Variants in KIF23 observed in about 807,000 individuals in gnomAD.
KIF23 encodes kinesin-like protein KIF23.
In KIF23, 30 loss-of-function variants were observed where a neutral mutation model predicts 137.5. The observed-to-expected ratio is 0.22, with a 90% confidence interval of 0.16 to 0.30. KIF23 has a LOEUF of 0.30. Among genes scored for constraint, KIF23 ranks in the 10% least tolerant of loss-of-function variants. The pLI, the probability that KIF23 is intolerant of heterozygous loss-of-function variation, is 1.00. For missense variants in KIF23, 920 were observed against 1,194.3 expected, an observed-to-expected ratio of 0.77 and a Z score of 3.38; for synonymous variants, 367 against 391.1, an observed-to-expected ratio of 0.94 and a Z score of 0.73.
chr15:69,435,631 T>C (rs992316409), intron 12 of KIF23, 21 bp from the exon 13 acceptor site: 1 of 1,613,164 alleles, frequency 6.2e-7, no homozygotes, highest in African/African-American at 1.3e-5. Context: ...GTAACACATT[T>C]GGATATGAAT....
At chr15:69,419,864 G>C (rs771821582) in intron 3 of KIF23, among the ~76,000 whole-genome samples, 1 of 152,176 alleles carries the variant, frequency 6.6e-6, no homozygotes, top group Non-Finnish European at 1.5e-5. Context: ...TAAATTTCAA[G>C]TATGTATAAA....
intron 11 of KIF23, chr15:69,435,075 C>T (rs1715635627): frequency 2.0e-6 from 1 of 496,992 alleles, no homozygotes; most frequent in Non-Finnish European, 3.6e-6. Context: ...ATATTCTTCC[C>T]CCACCCCCAG....
In KIF23 at chr15:69,436,823, C is replaced by T. The variant is rs534843882; in HGVS notation, c.1597+101C>T. ...AGGGTGGAGTGCAGTGGCACAATCTCGGTTCACTGCAACCTCCGCCTCCTG... is the reference window on the plus strand; with the variant it reads ...AGGGTGGAGTGCAGTGGCACAATCTTGGTTCACTGCAACCTCCGCCTCCTG... On this transcript the variant is annotated intron_variant, in intron 15 of 23. Transcript: ENST00000679126. 2.3e-4 allele frequency: 154 copies of T among 671,754 alleles called. 1 individual carries two copies. In the African/African-American group the frequency reaches 2.4e-3, roughly 11 times the overall value. 41.6% of individuals were successfully genotyped at this position (671,754 alleles called of 1,614,324 possible).
rs758402949 is a variant in KIF23, at chr15:69,436,177, G to A, written c.1354G>A (p.Val452Ile). 9 of 1,613,914 alleles carry A rather than the reference G, an allele frequency of 5.6e-6. No homozygotes were observed. Among genetic ancestry groups the A allele is most frequent in the South Asian group, 1.1e-5 (1 of 91,042 alleles). ...RFAEVTQEVE[V>I]ARPVDKAICG... is the part of the protein sequence containing the mutation. The stretch of plus-strand genomic sequence containing the variant: ...TGCGGAAGTGACTCAAGAAGTTGAA[G>A]TAGCAAGACCTGTAGACAAGGCAAT... Residue 452 changes from valine (V) to isoleucine (I), a missense_variant, in exon 14 of 24, where the codon GTA (valine) becomes ATA (isoleucine). This residue lies in a region of KIF23 where 714 missense variants were observed against 866.2 expected (regional missense o/e 0.82). Coordinates refer to ENST00000679126, the MANE Select transcript of KIF23 (RefSeq NM_001367805.3).
intron 1 of KIF23, 89 bp from the exon 2 acceptor site, chr15:69,415,905 C>A: frequency 1.1e-6 from 1 of 912,040 alleles, no homozygotes; most frequent in Non-Finnish European, 1.6e-6. Flanking sequence ...TACAGATAAC[C>A]TAGAAAGATT....
intron 10 of KIF23, chr15:69,427,458 A>G: frequency 2.2e-6 from 1 of 455,890 alleles, no homozygotes; most frequent in South Asian, 1.5e-5. Flanking sequence ...GGTAGAAGTG[A>G]TAAAATAAGA....
intron 11 of KIF23, among the ~76,000 whole-genome samples, chr15:69,431,107 C>G (rs1208806084): frequency 2.6e-5 from 4 of 152,166 alleles, no homozygotes; most frequent in Admixed American, 6.5e-5. Context: ...AGGCAAAGGT[C>G]AGACAACACT....
At chr15:69,425,391 G>T (rs1204533688) in intron 8 of KIF23, 68 bp downstream of exon 8, 1 of 1,299,228 alleles carries the variant, frequency 7.7e-7, no homozygotes, top group Admixed American at 2.0e-5. Flanking sequence ...GCATTCTGTG[G>T]CATGTTTGCA....
At chr15:69,426,907 TAAAC>T in intron 10 of KIF23, among the ~76,000 whole-genome samples, 1 of 152,302 alleles carries the variant, frequency 6.6e-6, no homozygotes, top group South Asian at 2.1e-4. Context: ...CATTATTCCT[TAAAC>T]AATACAGTAT....
intron 7 of KIF23, among the ~76,000 whole-genome samples, chr15:69,425,025 C>G (rs531632466): frequency 6.6e-6 from 1 of 152,222 alleles, no homozygotes; most frequent in South Asian, 2.1e-4. Context: ...TGCTTTGTAA[C>G]CTTTCTGGGT....
At chr15:69,437,695 G>T (rs2057517266) in intron 15 of KIF23, among the ~76,000 whole-genome samples, 1 of 151,940 alleles carries the variant, frequency 6.6e-6, no homozygotes, top group Admixed American at 6.6e-5. Flanking sequence ...TCCTGACATC[G>T]TGATCCACCC....
At chr15:69,434,209 G>GA (rs2057418733) in intron 11 of KIF23, among the ~76,000 whole-genome samples, 2 of 152,278 alleles carry the variant, frequency 1.3e-5, no homozygotes, top group South Asian at 4.1e-4. Flanking sequence ...CCAGTTTTAT[G>GA]AAAGAAAACT....
Position 69,436,240 on chromosome 15 carries a change from C to T in KIF23, c.1417C>T (p.Pro473Ser). The T allele has an allele frequency of 1.2e-6, 2 of 1,613,842 alleles. No individual in the cohort carries two copies. Among genetic ancestry groups the T allele is most frequent in the South Asian group, 1.1e-5 (1 of 91,032 alleles). Residue 473 changes from proline (P) to serine (S), a missense_variant, in exon 14 of 24, where the codon CCT becomes TCT. Physicochemically the swap from Pro to Ser is moderately conservative, Grantham distance 74 (BLOSUM62 -1). Transcript: ENST00000679126. ...LTPGRRYRNQ[P>S]RGPVGNEPLV... is the part of the protein sequence containing the mutation. Reference sequence around the variant, plus strand: ...GCCTGGGAGGAGATACAGAAACCAGCCTCGAGGTCCAGTTGGAAATGGTAT... The same window carrying T: ...GCCTGGGAGGAGATACAGAAACCAGTCTCGAGGTCCAGTTGGAAATGGTAT...
rs774344680 is a variant in KIF23, at chr15:69,438,333, G to A, written c.1683G>A (p.Lys561=). Residue 561 remains lysine, a synonymous_variant, in exon 16 of 24, where the codon AAG becomes AAA. Transcript: ENST00000679126. ...ENHMQGKLNE[K]EKMISGQKLE... ...ACATGCAAGGGAAACTAAATGAAAAGGAGAAGATGATCTCAGGACAGAAAT... is the reference window on the plus strand; with the variant it reads ...ACATGCAAGGGAAACTAAATGAAAAAGAGAAGATGATCTCAGGACAGAAAT... 47 of 1,613,118 alleles carry A rather than the reference G, an allele frequency of 2.9e-5. No individual in the cohort carries two copies. Among genetic ancestry groups the A allele is most frequent in the Non-Finnish European group, 4.0e-5 (47 of 1,179,740 alleles).
chr15:69,431,919 C>A (rs539978255), intron 11 of KIF23, among the ~76,000 whole-genome samples: 1 of 152,198 alleles, frequency 6.6e-6, no homozygotes, highest in East Asian at 1.9e-4. Flanking sequence ...TCTACCCTGG[C>A]CCAAAGGACT....
chr15:69,439,849 A>G (rs2057571466), intron 16 of KIF23, 55 bp from the exon 17 acceptor site: 1 of 1,326,300 alleles, frequency 7.5e-7, no homozygotes, highest in Non-Finnish European at 1.0e-6. Flanking sequence ...ACTATTTTAT[A>G]GCGACATGAA....
At chr15:69,426,695 G>C in intron 10 of KIF23, 1 of 459,636 alleles carries the variant, frequency 2.2e-6, no homozygotes, top group East Asian at 3.7e-5. Context: ...AGTCCAGCCT[G>C]GGTGACAGAG....
At chr15:69,420,560 AATTT>A (rs1205777389) in intron 3 of KIF23, among the ~76,000 whole-genome samples, 1 of 152,200 alleles carries the variant, frequency 6.6e-6, no homozygotes, top group Non-Finnish European at 1.5e-5. Flanking sequence ...TAAAGGTCAC[AATTT>A]ATTTAAAATG....
chr15:69,418,698 A>G (rs913706458), intron 3 of KIF23, among the ~76,000 whole-genome samples: 4 of 152,168 alleles, frequency 2.6e-5, no homozygotes, highest in Non-Finnish European at 5.9e-5. Flanking sequence ...TTTATTTTTA[A>G]TGCGTCACAG....
Sources: gnomAD v4.1 joint callset for allele counts (sites outside exome capture counted in the v4.1 genomes callset) on GRCh38, gnomAD v4.1.1 for gene constraint, gnomAD v4.1.1 regional missense constraint, MANE v1.5 for transcripts, NCBI Gene and HGNC (gene_info 2026-07-23, HGNC 2026-07-21) for gene names.